ADAMTSL1: variants seen among roughly 807,000 people sequenced by gnomAD.
The protein encoded by ADAMTSL1 is ADAMTS like 1, also known as ADAMTS-like protein 1.
ADAMTSL1 carries 126 observed loss-of-function variants against 201.8 expected under a neutral mutation model. That is an observed-to-expected ratio of 0.62 (90% CI 0.54 to 0.72). The LOEUF is 0.72. Among genes scored for constraint, ADAMTSL1 ranks in the 30% least tolerant of loss-of-function variants. The pLI is 0.00. For synonymous variants in ADAMTSL1, 1,121 were observed against 903.4 expected, an observed-to-expected ratio of 1.24 and a Z score of -4.32; for missense variants, 2,679 against 2,277.8, an observed-to-expected ratio of 1.18 and a Z score of -3.59.
At chr9:17,961,258 A>G (rs12346756) in intron 1 of ADAMTSL1, among the ~76,000 whole-genome samples, 1,871 of 151,834 alleles carry the variant, frequency 0.012, 39 homozygotes, top group African/African-American at 0.043. Context: ...TATTATTATT[A>G]TTTTTTTGAG....
chr9:18,187,943 T>C (rs2132218273), intron 2 of ADAMTSL1, among the ~76,000 whole-genome samples: 1 of 152,314 alleles, frequency 6.6e-6, no homozygotes, highest in East Asian at 1.9e-4. Context: ...TTTTGTGATA[T>C]CTATTGCTTA....
At chr9:18,248,538 A>T (rs1199681131) in intron 2 of ADAMTSL1, among the ~76,000 whole-genome samples, 1 of 151,924 alleles carries the variant, frequency 6.6e-6, no homozygotes, top group Admixed American at 6.5e-5. Context: ...CTGTAGTGTA[A>T]AAAAAAGAAA....
chr9:18,341,503 A>AAATAAATGTCCTCCAG (rs1835462515), intron 2 of ADAMTSL1, among the ~76,000 whole-genome samples: 1 of 152,138 alleles, frequency 6.6e-6, no homozygotes, highest in African/African-American at 2.4e-5. Context: ...TGTCCTCCAT[A>AAATAAATGTCCTCCAG]AATAAATGTC....
chr9:18,089,174 CA>C (rs1322863671), intron 1 of ADAMTSL1, among the ~76,000 whole-genome samples: 1 of 151,904 alleles, frequency 6.6e-6, no homozygotes, highest in African/African-American at 2.4e-5. Flanking sequence ...AAAAAGAAAA[CA>C]AAAAATTTGT....
In ADAMTSL1 at chr9:18,868,145, T is replaced by C. The variant is rs891710003; in HGVS notation, c.4250-19686T>C. On this transcript the variant is annotated intron_variant, in intron 23 of 28. Transcript: ENST00000380548. ...CCAGTGAATTTTTTATTTCAGAAAATATATGTCATTTCTAGAAGTCCAATT... is the reference window on the plus strand; with the variant it reads ...CCAGTGAATTTTTTATTTCAGAAAACATATGTCATTTCTAGAAGTCCAATT... Among the ~76,000 whole-genome samples the C allele has an allele frequency of 3.9e-5, 6 of 152,204 alleles. No homozygotes were observed. In the East Asian group the frequency reaches 1.2e-3, roughly 29 times the overall value.
chr9:17,999,873 C>T (rs397842476), intron 1 of ADAMTSL1, among the ~76,000 whole-genome samples: 17 of 149,808 alleles, frequency 1.1e-4, no homozygotes, highest in South Asian at 8.5e-4. Context: ...TTTGTTCTTG[C>T]GACAGTTTAC....
At chr9:17,936,264 T>G (rs964447354) in intron 1 of ADAMTSL1, among the ~76,000 whole-genome samples, 4 of 152,168 alleles carry the variant, frequency 2.6e-5, no homozygotes, top group African/African-American at 9.7e-5. Flanking sequence ...ATAATTGAAA[T>G]TCTTGTTTAC....
chr9:17,955,542 G>A (rs1352080747), intron 1 of ADAMTSL1, among the ~76,000 whole-genome samples: 2 of 152,112 alleles, frequency 1.3e-5, no homozygotes, highest in Non-Finnish European at 2.9e-5. Context: ...GACAAATTCA[G>A]AAATAAACAA....
intron 2 of ADAMTSL1, among the ~76,000 whole-genome samples, chr9:18,265,665 A>G (rs1329551731): frequency 2.6e-5 from 4 of 152,248 alleles, no homozygotes; most frequent in African/African-American, 9.6e-5. Context: ...TTTTTAAAAG[A>G]ATATGCTAAC....
intron 14 of ADAMTSL1, among the ~76,000 whole-genome samples, chr9:18,715,945 T>G (rs926477538): frequency 4.0e-5 from 6 of 151,472 alleles, no homozygotes; most frequent in Non-Finnish European, 7.4e-5. Flanking sequence ...TATCTACAAC[T>G]ATCTGATCTT....
At chr9:18,152,394 C>T (rs1195690195) in intron 1 of ADAMTSL1, among the ~76,000 whole-genome samples, 1 of 152,018 alleles carries the variant, frequency 6.6e-6, no homozygotes, top group Non-Finnish European at 1.5e-5. Flanking sequence ...GAACACGCCA[C>T]ATAAGAGCCA....
In ADAMTSL1 at chr9:18,104,790, C is replaced by A. The variant is rs73420873; in HGVS notation, c.88-59072C>A. Reference sequence around the variant, plus strand: ...AAGAGCTGAAATGTAATCAGTTATTCAATTCAATCATTCAATTATTCAAAT... The same window carrying A: ...AAGAGCTGAAATGTAATCAGTTATTAAATTCAATCATTCAATTATTCAAAT... On this transcript the variant is annotated intron_variant, in intron 1 of 29. Transcript: ENST00000680146. 5.1e-3 allele frequency among the ~76,000 whole-genome samples: 773 copies of A among 152,222 alleles called. 7 individuals carry two copies. Among genetic ancestry groups the A allele is most frequent in the African/African-American group, 0.018 (728 of 41,538 alleles).
At chr9:18,803,669 A>T (rs1415844528) in intron 20 of ADAMTSL1, among the ~76,000 whole-genome samples, 1 of 152,228 alleles carries the variant, frequency 6.6e-6, no homozygotes, top group Admixed American at 6.5e-5. Context: ...AAAAATGTTT[A>T]AAAACAACAC....
intron 4 of ADAMTSL1, among the ~76,000 whole-genome samples, chr9:18,587,768 A>G (rs1033181400): frequency 2.0e-5 from 3 of 152,170 alleles, no homozygotes; most frequent in Non-Finnish European, 2.9e-5. Context: ...ATTTCACTTA[A>G]TGACCTCCAG....
At chr9:18,349,354 G>A (rs773557184) in intron 2 of ADAMTSL1, among the ~76,000 whole-genome samples, 6 of 152,130 alleles carry the variant, frequency 3.9e-5, no homozygotes, top group African/African-American at 1.4e-4. Flanking sequence ...CCCAGAACAC[G>A]TAGGTAGCTG....
intron 2 of ADAMTSL1, among the ~76,000 whole-genome samples, chr9:18,510,418 A>G (rs762423079): frequency 6.6e-6 from 1 of 152,184 alleles, no homozygotes; most frequent in Non-Finnish European, 1.5e-5. Flanking sequence ...ATTAAATATA[A>G]AAGCCTTCAT....
chr9:18,065,929 C>T (rs1279371093), intron 1 of ADAMTSL1, among the ~76,000 whole-genome samples: 2 of 141,210 alleles, frequency 1.4e-5, no homozygotes, highest in African/African-American at 2.7e-5. Context: ...TGCAGTGAGC[C>T]GAGATCGCCC....
At chr9:18,713,018 G>C (rs1303644823) in intron 14 of ADAMTSL1, among the ~76,000 whole-genome samples, 2 of 151,864 alleles carry the variant, frequency 1.3e-5, no homozygotes, top group Non-Finnish European at 2.9e-5. Context: ...AAATGAAGAA[G>C]AAATAAAATA....
chr9:17,968,859 A>G (rs993680679), intron 1 of ADAMTSL1, among the ~76,000 whole-genome samples: 5 of 152,118 alleles, frequency 3.3e-5, no homozygotes, highest in Admixed American at 6.6e-5. Flanking sequence ...GCAGAATGGT[A>G]TCTAACTGCC....
Sources: gnomAD v4.1 joint callset for allele counts (sites outside exome capture counted in the v4.1 genomes callset) on GRCh38, gnomAD v4.1.1 for gene constraint, MANE v1.5 for transcripts, NCBI Gene and HGNC (gene_info 2026-07-23, HGNC 2026-07-21) for gene names.